NPHP4: variants seen among roughly 807,000 people sequenced by gnomAD.
NPHP4 encodes nephrocystin-4.
In NPHP4, 151 loss-of-function variants were observed where a neutral mutation model predicts 155.8. That is an observed-to-expected ratio of 0.97 (90% CI 0.85 to 1.11). NPHP4 has a LOEUF of 1.11. Among genes scored for constraint, NPHP4 ranks in the 50% least tolerant of loss-of-function variants. NPHP4 has a pLI of 0.00. For missense variants in NPHP4, 1,956 were observed against 1,925.7 expected, an observed-to-expected ratio of 1.02 and a Z score of -0.29; for synonymous variants, 845 against 816.8, an observed-to-expected ratio of 1.03 and a Z score of -0.59.
intron 19 of NPHP4, chr1:5,879,381 G>A (rs1443168858): frequency 2.7e-6 from 1 of 376,502 alleles, no homozygotes; most frequent in Non-Finnish European, 5.3e-6. Context: ...GAGCCTCCCT[G>A]CTGTGAAACA....
intron 28 of NPHP4, 23 bp from the exon 29 acceptor site, chr1:5,864,056 G>A (rs751990915): frequency 6.2e-7 from 1 of 1,610,254 alleles, no homozygotes; most frequent in Admixed American, 1.7e-5. Flanking sequence ...GGGACAGGGA[G>A]ACGCTGCGGC....
In NPHP4 at chr1:5,877,103, G is replaced by T. The variant is rs201074950; in HGVS notation, c.2807C>A (p.Thr936Lys). 41 of 1,570,724 alleles carry T rather than the reference G, an allele frequency of 2.6e-5. No homozygotes were observed. In the Admixed American group the frequency reaches 6.5e-4, roughly 25 times the overall value. The part of the protein sequence containing the change: ...EAGGDLGRRG[T>K]SVLAQQSVRT... Reference sequence around the variant, plus strand: ...TGAACAAACCCTTACCAACACGCTCGTCCCGCGCCGGCCCAAGTCTCCCCC... The same window carrying T: ...TGAACAAACCCTTACCAACACGCTCTTCCCGCGCCGGCCCAAGTCTCCCCC... Residue 936 changes from threonine to lysine, a missense_variant, in exon 20 of 30, where the codon ACG becomes AAG. Thr to Lys is a moderately conservative substitution (Grantham distance 78). Coordinates refer to ENST00000378156, the MANE Select transcript of NPHP4 (RefSeq NM_015102.5).
intron 18 of NPHP4, chr1:5,880,659 C>T (rs1383062845): frequency 4.8e-6 from 1 of 209,404 alleles, no homozygotes; most frequent in Non-Finnish European, 9.9e-6. Context: ...CCACACACAC[C>T]CAGGGTGAAA....
intron 12 of NPHP4, among the ~76,000 whole-genome samples, chr1:5,908,806 A>C (rs1283838829): frequency 1.3e-5 from 2 of 152,220 alleles, no homozygotes; most frequent in African/African-American, 4.8e-5. Context: ...GGGAGAGCAA[A>C]GAGGGTGAGG....
intron 17 of NPHP4, chr1:5,888,685 AG>A: frequency 8.7e-7 from 1 of 1,151,646 alleles, no homozygotes; most frequent in South Asian, 1.3e-5. Flanking sequence ...AATGAAAACA[AG>A]GCACCATTTT....
At chr1:5,919,447 C>T (rs988404353) in intron 11 of NPHP4, among the ~76,000 whole-genome samples, 1 of 152,158 alleles carries the variant, frequency 6.6e-6, no homozygotes, top group African/African-American at 2.4e-5. Flanking sequence ...TGCTACCTCA[C>T]GTATTTGGTA....
Position 5,892,359 on chromosome 1 carries a change from C to A in NPHP4, c.2144-1331G>T, listed in dbSNP as rs889381216. On this transcript the variant is annotated intron_variant, in intron 16 of 29. Coordinates refer to ENST00000378156, the MANE Select transcript of NPHP4 (RefSeq NM_015102.5). This position sits in a 1 kb window ranked among gnomAD's most constrained non-coding sequence, Gnocchi z 4.5. Reference sequence around the variant, plus strand: ...CCGTGCCTAGCATGCTCCTGCCCCCCACTCCAGGAGCTCTCAGCATGCTGT... The same window carrying A: ...CCGTGCCTAGCATGCTCCTGCCCCCAACTCCAGGAGCTCTCAGCATGCTGT... Among the ~76,000 whole-genome samples, 9 of 152,258 alleles carry A rather than the reference C, an allele frequency of 5.9e-5. No individual in the cohort carries two copies. Among genetic ancestry groups the A allele is most frequent in the East Asian group, 1.9e-4 (1 of 5,162 alleles).
At chr1:5,970,231 T>A (rs931039338) in intron 3 of NPHP4, among the ~76,000 whole-genome samples, 1 of 152,086 alleles carries the variant, frequency 6.6e-6, no homozygotes, top group African/African-American at 2.4e-5. Context: ...GGGCCTGGGG[T>A]GGTGGCTCGC....
intron 16 of NPHP4, among the ~76,000 whole-genome samples, chr1:5,898,621 G>A (rs934893680): frequency 4.6e-5 from 7 of 152,250 alleles, no homozygotes; most frequent in Admixed American, 2.6e-4. Context: ...CTGGAACCAA[G>A]GCATTCTCCC....
chr1:5,867,899 G>A lies in NPHP4; in HGVS notation c.3316-3C>T. On this transcript the variant is annotated splice_region_variant and splice_polypyrimidine_tract_variant and intron_variant, in intron 23 of 29. Transcript: ENST00000378156. This position sits in a 1 kb window ranked among gnomAD's most constrained non-coding sequence, Gnocchi z 4.1. ...CCACCACTCGCTCGGAACAAGACCT[G>A]TGAGGAGGCCACGCTGAGTGTTGGG... The A allele has an allele frequency of 6.2e-7, 1 of 1,614,012 alleles. No homozygotes were observed. Among genetic ancestry groups the A allele is most frequent in the Non-Finnish European group, 8.5e-7 (1 of 1,179,876 alleles).
chr1:5,914,683 C>A (rs745864879), intron 11 of NPHP4, among the ~76,000 whole-genome samples: 2 of 152,190 alleles, frequency 1.3e-5, no homozygotes, highest in East Asian at 1.9e-4. Context: ...CAGATGCCTG[C>A]GCTATGACAG....
intron 1 of NPHP4, among the ~76,000 whole-genome samples, chr1:5,988,344 G>C (rs1251119418): frequency 6.6e-6 from 1 of 152,218 alleles, no homozygotes; most frequent in East Asian, 1.9e-4. Context: ...CAAGGCAACA[G>C]ACTGAGTACA....
intron 23 of NPHP4, among the ~76,000 whole-genome samples, chr1:5,871,931 G>A (rs1423341199): frequency 2.0e-5 from 3 of 152,156 alleles, no homozygotes; most frequent in Non-Finnish European, 4.4e-5. Context: ...AGTAATTATG[G>A]GTAAACTAAC....
intron 20 of NPHP4, 127 bp from the exon 21 acceptor site, chr1:5,875,227 C>A: frequency 2.6e-6 from 2 of 760,440 alleles, no homozygotes; most frequent in Non-Finnish European, 4.4e-6. Context: ...GCCACCACCA[C>A]CCCCTTCCTT....
In NPHP4 at chr1:5,897,035, T is replaced by C. The variant is rs937001715; in HGVS notation, c.2144-6007A>G. On this transcript the variant is annotated intron_variant, in intron 16 of 29. Coordinates refer to ENST00000378156, the MANE Select transcript of NPHP4 (RefSeq NM_015102.5). ...TAACTATTCCACCGACTTCTCACTC[T>C]GAAAACTGGCAATTAAAGGGAAAGA... 5.9e-5 allele frequency among the ~76,000 whole-genome samples: 9 copies of C among 152,348 alleles called. No individual in the cohort carries two copies. The East Asian group carries it at 1.7e-3, about 29-fold the overall frequency.
intron 11 of NPHP4, among the ~76,000 whole-genome samples, chr1:5,913,504 G>C (rs1020002718): frequency 6.6e-6 from 1 of 152,196 alleles, no homozygotes; most frequent in Non-Finnish European, 1.5e-5. Flanking sequence ...CTACTTTTCT[G>C]TCAATTTAGC....
chr1:5,947,719 G>A (rs1294974826), intron 8 of NPHP4, among the ~76,000 whole-genome samples: 5 of 152,156 alleles, frequency 3.3e-5, no homozygotes, highest in African/African-American at 1.2e-4. Flanking sequence ...GGATTAAACA[G>A]AGCAGCAGGT....
chr1:5,932,456 C>T (rs965471421), intron 10 of NPHP4, among the ~76,000 whole-genome samples: 1 of 152,102 alleles, frequency 6.6e-6, no homozygotes, highest in South Asian at 2.1e-4. Flanking sequence ...TGCCACACCT[C>T]GGAGAGCCCA....
At chr1:5,964,917 T>TATATATATATATA (rs1553194702) in intron 5 of NPHP4, among the ~76,000 whole-genome samples, 2 of 82,638 alleles carry the variant, frequency 2.4e-5, no homozygotes, top group African/African-American at 1.1e-4. Context: ...TACATATATA[T>TATATATATATATA]TATATATATA....
Sources: gnomAD v4.1 joint callset for allele counts (sites outside exome capture counted in the v4.1 genomes callset) on GRCh38, gnomAD v4.1.1 for gene constraint, Gnocchi (gnomAD v3.1) non-coding constraint, MANE v1.5 for transcripts, NCBI Gene and HGNC (gene_info 2026-07-23, HGNC 2026-07-21) for gene names.